The following DCST2 variants were observed in gnomAD, a reference collection of about 807,000 sequenced individuals.
DCST2 encodes DC-STAMP domain-containing protein 2.
In DCST2, 64 loss-of-function variants were observed where a neutral mutation model predicts 81.8. That is an observed-to-expected ratio of 0.78 (90% CI 0.64 to 0.96). DCST2 has a LOEUF of 0.96. Among genes scored for constraint, DCST2 ranks in the 40% least tolerant of loss-of-function variants. The probability of loss-of-function intolerance (pLI) is 0.00; values close to 1 mark genes in which losing one functional copy is unlikely to be tolerated. For synonymous variants in DCST2, 354 were observed against 402.6 expected (o/e 0.88, Z 1.44); for missense variants, 945 against 1,001.4 (o/e 0.94, Z 0.76).
rs762442640 is a variant in DCST2 at position 155,030,133 on chromosome 1, G to A, written c.1128C>T (p.Pro376=). The A allele has an allele frequency of 7.4e-6, 12 of 1,614,028 alleles. No homozygotes were observed. Among genetic ancestry groups the A allele is most frequent in the African/African-American group, 1.3e-5 (1 of 74,940 alleles). ...MEAVRSTAGL[P]TVLPLSAHEA... ...CGTGAGCACTGAGCGGTAGCACTGT[G>A]GGCAGCCCTGCCGTGGAGCGCACAG... is the stretch of plus-strand genomic sequence containing the variant. The change falls in exon 7 of 15, where the codon CCC becomes CCT. Residue 376 remains proline, a synonymous_variant. Transcript: ENST00000368424.
chr1:155,023,098 A>G lies in DCST2; in HGVS notation c.2105+19T>C, dbSNP rs1416008490. The G allele has an allele frequency of 6.2e-7, 1 of 1,606,970 alleles. No individual in the cohort carries two copies. The highest frequency in any genetic ancestry group is 1.1e-5 in the South Asian group (1 of 90,906). On this transcript the variant is annotated intron_variant, in intron 14 of 14. Coordinates refer to ENST00000368424, the MANE Select transcript of DCST2 (RefSeq NM_144622.3). Reference sequence around the variant, plus strand: ...TAGGACTCACAATTCCCAGGTGCCAACTCCTGCTTCCTGCTCACCTGGACT... The same window carrying G: ...TAGGACTCACAATTCCCAGGTGCCAGCTCCTGCTTCCTGCTCACCTGGACT...
chr1:155,030,385 C>G (rs527291216), intron 6 of DCST2, 47 bp downstream of exon 6: 1 of 1,603,798 alleles, frequency 6.2e-7, no homozygotes, highest in African/African-American at 1.3e-5. Context: ...AGCCCTGGCC[C>G]TGCACCCCCG....
chr1:155,031,515 T>TCCCCCC, intron 4 of DCST2, 59 bp downstream of exon 4: 16 of 643,112 alleles, frequency 2.5e-5, no homozygotes, highest in East Asian at 1.0e-4. Context: ...ACCCCCACAT[T>TCCCCCC]CCCACCCCAC....
intron 2 of DCST2, among the ~76,000 whole-genome samples, 160 bp from the exon 3 acceptor site, chr1:155,032,928 G>A (rs1660142654): frequency 6.6e-6 from 1 of 152,164 alleles, no homozygotes; most frequent in Non-Finnish European, 1.5e-5. Flanking sequence ...AGTGGAGGAG[G>A]CCAGAGAGCA....
At chr1:155,018,830 G>T in intron 14 of DCST2, 70 bp from the exon 15 acceptor site, 2 of 1,460,220 alleles carry the variant, frequency 1.4e-6, no homozygotes, top group South Asian at 1.2e-5. Flanking sequence ...CCTGCCCCCT[G>T]CCCTGCCCCA....
intron 10 of DCST2, among the ~76,000 whole-genome samples, chr1:155,025,835 A>G (rs1482826228): frequency 6.6e-6 from 1 of 151,096 alleles, no homozygotes; most frequent in Non-Finnish European, 1.5e-5. Flanking sequence ...ACAGGCACAC[A>G]CCACCATGCC....
At chr1:155,023,340 A>AC in intron 13 of DCST2, 24 bp downstream of exon 13, 1 of 1,609,634 alleles carries the variant, frequency 6.2e-7, no homozygotes, top group Middle Eastern at 1.7e-4. Context: ...GACTCCAGCC[A>AC]CCCCATGTCA....
intron 4 of DCST2, 59 bp downstream of exon 4, chr1:155,031,515 T>TAG: frequency 3.1e-6 from 2 of 643,126 alleles, no homozygotes; most frequent in Non-Finnish European, 5.8e-6. Context: ...ACCCCCACAT[T>TAG]CCCACCCCAC....
intron 11 of DCST2, 50 bp downstream of exon 11, chr1:155,024,421 CT>C: frequency 6.6e-7 from 1 of 1,505,082 alleles, no homozygotes; most frequent in Non-Finnish European, 8.9e-7. Context: ...ACTCCTGGCT[CT>C]TTTTCTATCC....
intron 11 of DCST2, 120 bp from the exon 12 acceptor site, chr1:155,024,079 C>T: frequency 1.4e-6 from 2 of 1,384,986 alleles, no homozygotes; most frequent in East Asian, 2.5e-5. Context: ...CATCCTCCAT[C>T]CCTCTGATTT....
Position 155,033,672 on chromosome 1 carries a change from G to A in DCST2, c.30C>T (p.His10=). ...TGCTAGGCTCCTCTCCCCCCAAGGG[G>A]TGCACAACATCCTTCATGACTTTGG... is the stretch of plus-strand genomic sequence containing the variant. MPKVMKDVV[H]PLGGEEPSMA... The change falls in exon 1 of 15, where the codon CAC becomes CAT. Residue 10 remains histidine, a synonymous_variant. Coordinates refer to ENST00000368424, the MANE Select transcript of DCST2 (RefSeq NM_144622.3). The A allele has an allele frequency of 1.2e-6, 2 of 1,614,114 alleles. No individual in the cohort carries two copies. The highest frequency in any genetic ancestry group is 1.1e-5 in the South Asian group (1 of 91,084).
At chr1:155,029,754 C>CCCTT (rs1660014702) in intron 7 of DCST2, among the ~76,000 whole-genome samples, 1 of 152,208 alleles carries the variant, frequency 6.6e-6, no homozygotes, top group Admixed American at 6.5e-5. Flanking sequence ...GGGAAGCCCT[C>CCCTT]CCAACTTGAC....
chr1:155,031,524 A>ACC, intron 4 of DCST2, 50 bp downstream of exon 4: 9 of 481,152 alleles, frequency 1.9e-5, no homozygotes, highest in South Asian at 1.0e-4. Context: ...TTCCCACCCC[A>ACC]CCCCACCCCA....
chr1:155,029,987 G>A, intron 7 of DCST2, 97 bp downstream of exon 7: 1 of 1,546,098 alleles, frequency 6.5e-7, no homozygotes, highest in Admixed American at 1.9e-5. Flanking sequence ...AGCCCATCCT[G>A]AGCCCTGCCT....
chr1:155,024,572 G>A lies in DCST2; in HGVS notation c.1642C>T (p.Leu548=). 6.2e-7 allele frequency: 1 copy of A among 1,609,814 alleles called. No homozygotes were observed. Among genetic ancestry groups the A allele is most frequent in the Non-Finnish European group, 8.5e-7 (1 of 1,178,004 alleles). ...ERISYLYNVL[L]SRRTNLLAAL... ...GCCAACAGATTGGTTCGGCGGCTCA[G>A]AAGTACATTGTACAGGTAGGAGATC... The change falls in exon 11 of 15, where the codon CTG becomes TTG. Residue 548 remains leucine (L), a synonymous_variant. Transcript: ENST00000368424.
rs1445220391 is a variant in DCST2, at chr1:155,029,230, C to T, written c.1342+3G>A. The T allele has an allele frequency of 1.2e-6, 2 of 1,612,852 alleles. No homozygotes were observed. The highest frequency in any genetic ancestry group is 2.2e-5 in the South Asian group (2 of 91,018). ...GGGAGGAGGCTGTCACGTAGGCACT[C>T]ACTGCGGGCCACAATCTCCCCCTGC... is the stretch of plus-strand genomic sequence containing the variant. On this transcript the variant is annotated splice_donor_region_variant and intron_variant, in intron 8 of 14. Transcript: ENST00000368424.
At chr1:155,031,543 C>T (rs745656295) in intron 4 of DCST2, 31 bp downstream of exon 4, 16 of 1,216,544 alleles carry the variant, frequency 1.3e-5, no homozygotes, top group Non-Finnish European at 1.9e-5. Context: ...CACATCGGCT[C>T]CTCCCCGCTG....
At chr1:155,032,846 A>G in intron 2 of DCST2, 78 bp from the exon 3 acceptor site, 2 of 1,338,470 alleles carry the variant, frequency 1.5e-6, no homozygotes, top group Non-Finnish European at 2.1e-6. Context: ...TTAAGCAGGG[A>G]GTAGAGAGGA....
intron 8 of DCST2, among the ~76,000 whole-genome samples, chr1:155,028,527 T>C (rs1474584753): frequency 2.0e-5 from 3 of 148,084 alleles, no homozygotes; most frequent in Non-Finnish European, 4.5e-5. Flanking sequence ...GAGATTGTAG[T>C]GAGCCAAGAT....
Sources: allele counts gnomAD v4.1 joint callset (sites outside exome capture counted in the v4.1 genomes callset), GRCh38; gene constraint gnomAD v4.1.1; transcripts MANE v1.5; gene names NCBI Gene and HGNC (gene_info 2026-07-23, HGNC 2026-07-21).